Variants in NPAS3 observed in about 807,000 individuals in gnomAD.
NPAS3 encodes neuronal PAS domain protein 3, also known as neuronal PAS domain-containing protein 3.
In NPAS3, 14 loss-of-function variants were observed where a neutral mutation model predicts 73.1. That is an observed-to-expected ratio of 0.19 (90% CI 0.13 to 0.30). The LOEUF (loss-of-function observed/expected upper bound fraction) is 0.30, where lower values mean the gene tolerates loss of function less well. Among genes scored for constraint, NPAS3 ranks in the 10% least tolerant of loss-of-function variants. The pLI, the probability that NPAS3 is intolerant of heterozygous loss-of-function variation, is 1.00. For synonymous variants in NPAS3, 620 were observed against 541.5 expected (o/e 1.14, Z -2.01); for missense variants, 1,096 against 1,250.0 (o/e 0.88, Z 1.86).
chr14:33,559,756 C>T (rs1367140680), intron 4 of NPAS3, among the ~76,000 whole-genome samples: 1 of 152,182 alleles, frequency 6.6e-6, no homozygotes, highest in Non-Finnish European at 1.5e-5. Context: ...CGGTGGCTTA[C>T]GCCTGTAATC....
At chr14:33,642,985 C>G (rs948176985) in intron 5 of NPAS3, among the ~76,000 whole-genome samples, 2 of 152,116 alleles carry the variant, frequency 1.3e-5, no homozygotes, top group Admixed American at 1.3e-4. Flanking sequence ...AGAGAAATGG[C>G]TTTTATCTAT....
chr14:33,013,135 C>G (rs745721935), intron 1 of NPAS3, among the ~76,000 whole-genome samples: 5 of 152,160 alleles, frequency 3.3e-5, no homozygotes, highest in African/African-American at 7.2e-5. Context: ...GTATTCTTCA[C>G]TCAGTTTCTC....
intron 2 of NPAS3, among the ~76,000 whole-genome samples, chr14:33,119,482 C>T (rs949127322): frequency 1.3e-5 from 2 of 152,052 alleles, no homozygotes; most frequent in Admixed American, 6.6e-5. Flanking sequence ...TTCTCCAGCT[C>T]AGGGCTAGGT....
At chr14:33,598,311 T>C (rs1322450762) in intron 5 of NPAS3, among the ~76,000 whole-genome samples, 1 of 152,222 alleles carries the variant, frequency 6.6e-6, no homozygotes, top group Non-Finnish European at 1.5e-5. Context: ...ACAATGCTCT[T>C]CAAAAATTGG....
At chr14:33,034,496 AAT>A (rs1281538672) in intron 1 of NPAS3, among the ~76,000 whole-genome samples, 7 of 151,536 alleles carry the variant, frequency 4.6e-5, no homozygotes, top group African/African-American at 1.4e-4. Context: ...ACTATATATT[AAT>A]AGAGTTAATA....
chr14:33,381,233 T>C (rs1342548845), intron 4 of NPAS3, among the ~76,000 whole-genome samples: 5 of 152,194 alleles, frequency 3.3e-5, no homozygotes, highest in African/African-American at 1.2e-4. Context: ...GTGGACTGAA[T>C]GTAAAAGCCC....
chr14:33,765,314 AAG>A (rs2062426496), intron 7 of NPAS3, among the ~76,000 whole-genome samples: 1 of 150,468 alleles, frequency 6.6e-6, no homozygotes, highest in Admixed American at 6.6e-5. Context: ...AAAAAAAACT[AAG>A]AGTGAAAAAT....
At chr14:33,522,741 A>G (rs932700542) in intron 4 of NPAS3, among the ~76,000 whole-genome samples, 7 of 152,118 alleles carry the variant, frequency 4.6e-5, no homozygotes, top group Admixed American at 6.5e-5. Flanking sequence ...CTTTGGTTAT[A>G]TGTATTACCA....
chr14:33,800,383 G>A lies in NPAS3; in HGVS notation c.2076G>A (p.Pro692=), dbSNP rs1295093051. The stretch of plus-strand genomic sequence containing the variant: ...AGCCCCCCAGCTCTGAGCACTTCCC[G>A]TCCCCGCAGGGCGGCGGCGGTGGGG... Residue 692 remains proline, a synonymous_variant, in exon 12 of 12, where the codon CCG becomes CCA. Coordinates refer to ENST00000356141, the Ensembl canonical transcript of NPAS3. The surrounding 1 kb of genome is among the most constrained non-coding windows in gnomAD (Gnocchi z 6.5). 8.1e-6 allele frequency: 13 copies of A among 1,607,660 alleles called. No individual in the cohort carries two copies. Among genetic ancestry groups the A allele is most frequent in the Middle Eastern group, 1.7e-4 (1 of 6,024 alleles).
At chr14:33,665,233 G>A in intron 5 of NPAS3, among the ~76,000 whole-genome samples, 1 of 152,076 alleles carries the variant, frequency 6.6e-6, no homozygotes, top group East Asian at 1.9e-4. Context: ...CTCATAAGTG[G>A]GAATTGAACA....
intron 4 of NPAS3, among the ~76,000 whole-genome samples, chr14:33,425,212 G>C (rs1304311265): frequency 6.6e-6 from 1 of 152,020 alleles, no homozygotes; most frequent in Non-Finnish European, 1.5e-5. Context: ...AGTATGCAAG[G>C]CATATTGAAA....
At chr14:33,540,135 G>A (rs1328787540) in intron 4 of NPAS3, among the ~76,000 whole-genome samples, 1 of 152,160 alleles carries the variant, frequency 6.6e-6, no homozygotes, top group Admixed American at 6.5e-5. Context: ...TCTATGTTTA[G>A]CTTGAATAAT....
chr14:33,302,246 A>G (rs1356890506), intron 3 of NPAS3, among the ~76,000 whole-genome samples: 1 of 152,210 alleles, frequency 6.6e-6, no homozygotes, highest in Non-Finnish European at 1.5e-5. Flanking sequence ...TAACAGTGGC[A>G]TTATTAAGGA....
chr14:33,723,851 A>AC (rs1379779994), intron 6 of NPAS3, among the ~76,000 whole-genome samples: 1 of 152,138 alleles, frequency 6.6e-6, no homozygotes, highest in Non-Finnish European at 1.5e-5. Flanking sequence ...CTTCCTGTGT[A>AC]CCCCTCAGCT....
chr14:33,081,188 A>G (rs1235635850), intron 2 of NPAS3, among the ~76,000 whole-genome samples: 1 of 152,186 alleles, frequency 6.6e-6, no homozygotes, highest in Admixed American at 6.5e-5. Context: ...GCCGTAGACT[A>G]GAGCTCTATT....
chr14:33,181,313 A>T (rs1303107529), intron 2 of NPAS3, among the ~76,000 whole-genome samples: 1 of 152,240 alleles, frequency 6.6e-6, no homozygotes, highest in Non-Finnish European at 1.5e-5. Flanking sequence ...AGTTATTCAC[A>T]TGAATATTGA....
intron 11 of NPAS3, among the ~76,000 whole-genome samples, chr14:33,798,244 C>G (rs1273100188): frequency 6.6e-6 from 1 of 152,152 alleles, no homozygotes. Context: ...TTTTCATTTC[C>G]TTTGGGGAAG....
At position 33,580,577 on chromosome 14, in the gene NPAS3, C is replaced by T. The variant is rs546838377; in HGVS notation, c.558+20367C>T. 8.3e-4 allele frequency among the ~76,000 whole-genome samples: 127 copies of T among 152,254 alleles called. 1 individual carries two copies. The highest frequency in any genetic ancestry group is 3.0e-3 in the African/African-American group (123 of 41,550). On this transcript the variant is annotated intron_variant, in intron 5 of 11. Transcript: ENST00000356141. Reference sequence around the variant, plus strand: ...ACAGCCACGGTAGTTCCCCTCCATCCCCCGGGGCAATGCAGAACCAGGTGT... The same window carrying T: ...ACAGCCACGGTAGTTCCCCTCCATCTCCCGGGGCAATGCAGAACCAGGTGT...
intron 6 of NPAS3, among the ~76,000 whole-genome samples, chr14:33,734,308 A>G (rs912187988): frequency 6.6e-6 from 1 of 152,210 alleles, no homozygotes; most frequent in East Asian, 1.9e-4. Flanking sequence ...ACTTAAATTT[A>G]TAAAATACCT....
Sources: allele counts gnomAD v4.1 joint callset (sites outside exome capture counted in the v4.1 genomes callset), GRCh38; gene constraint gnomAD v4.1.1; non-coding constraint Gnocchi (gnomAD v3.1); transcripts MANE v1.5; gene names NCBI Gene and HGNC (gene_info 2026-07-23, HGNC 2026-07-21).